Variants in CDK6 observed in about 807,000 individuals in gnomAD.
The protein encoded by CDK6 is cyclin-dependent kinase 6.
A neutral mutation model predicts 37.1 loss-of-function variants in CDK6; 6 were observed. That is an observed-to-expected ratio of 0.16 (90% CI 0.09 to 0.32). The LOEUF is 0.32. Among genes scored for constraint, CDK6 ranks in the 10% least tolerant of loss-of-function variants. The probability of loss-of-function intolerance (pLI) is 1.00; values close to 1 mark genes in which losing one functional copy is unlikely to be tolerated. For synonymous variants in CDK6, 160 were observed against 161.3 expected (o/e 0.99, Z 0.06); for missense variants, 224 against 418.9 (o/e 0.53, Z 4.06).
Position 92,622,965 on chromosome 7 carries a change from A to C in CDK6, c.698+71T>G, listed in dbSNP as rs1040637350. The stretch of plus-strand genomic sequence containing the variant: ...GACAAGAGATAAACACATGATATGC[A>C]TGTCAGAGGAAAGTCACTGTAAATG... On this transcript the variant is annotated intron_variant, in intron 6 of 7. Transcript: ENST00000424848. 8 of 883,784 alleles carry C rather than the reference A, an allele frequency of 9.1e-6. No homozygotes were observed. In the Admixed American group the frequency reaches 1.5e-4, roughly 16 times the overall value. 54.7% of individuals were successfully genotyped at this position (883,784 alleles called of 1,614,324 possible).
intron 6 of CDK6, 57 bp downstream of exon 6, chr7:92,622,979 T>G (rs757099616): frequency 9.5e-7 from 1 of 1,053,734 alleles, no homozygotes; most frequent in Non-Finnish European, 1.4e-6. Context: ...CAGAGGAAAG[T>G]CACTGTAAAT....
At chr7:92,824,976 C>A (rs959730407) in intron 2 of CDK6, among the ~76,000 whole-genome samples, 1 of 152,076 alleles carries the variant, frequency 6.6e-6, no homozygotes, top group African/African-American at 2.4e-5. Context: ...AGCCCACAAG[C>A]AGGAACATTT....
intron 2 of CDK6, among the ~76,000 whole-genome samples, chr7:92,783,635 A>T (rs1800052234): frequency 6.6e-6 from 1 of 152,176 alleles, no homozygotes. Context: ...ATATCTTCTG[A>T]ATCTGTTAAC....
At chr7:92,767,183 T>A (rs1799603465) in intron 3 of CDK6, among the ~76,000 whole-genome samples, 3 of 152,256 alleles carry the variant, frequency 2.0e-5, no homozygotes, top group Admixed American at 2.0e-4. Context: ...TTTGTTAGGA[T>A]ACATACACAT....
Position 92,715,736 on chromosome 7 carries a change from A to T in CDK6, c.537+9890T>A, listed in dbSNP as rs931403376. Among the ~76,000 whole-genome samples the T allele has an allele frequency of 1.1e-4, 17 of 148,606 alleles. No homozygotes were observed. The East Asian group carries it at 2.0e-3, about 18-fold the overall frequency. Reference sequence around the variant, plus strand: ...GTAATTGTATAAAAGTCTGAGCTCAACTTTTGGAGAGACCTACACAGATAA... The same window carrying T: ...GTAATTGTATAAAAGTCTGAGCTCATCTTTTGGAGAGACCTACACAGATAA... On this transcript the variant is annotated intron_variant, in intron 4 of 7. Transcript: ENST00000424848.
At chr7:92,754,013 G>A (rs956987942) in intron 3 of CDK6, among the ~76,000 whole-genome samples, 7 of 152,112 alleles carry the variant, frequency 4.6e-5, no homozygotes, top group Admixed American at 4.6e-4. Flanking sequence ...ACTAGATAAT[G>A]TCATAGGATG....
At chr7:92,808,111 G>C (rs575187785) in intron 2 of CDK6, among the ~76,000 whole-genome samples, 5 of 152,092 alleles carry the variant, frequency 3.3e-5, no homozygotes, top group Admixed American at 6.6e-5. Context: ...AAAAAAACTA[G>C]ACACCTCATA....
rs575145775 is a variant in CDK6 at position 92,702,726 on chromosome 7, G to A, written c.537+22900C>T. Among the ~76,000 whole-genome samples the A allele has an allele frequency of 2.6e-5, 4 of 152,242 alleles. No homozygotes were observed. The South Asian group carries it at 6.2e-4, about 24-fold the overall frequency. ...TTGGTGCCAGAGACCATAGGACATG[G>A]TCATATTGTGAAATGACCTCTGAAT... On this transcript the variant is annotated intron_variant, in intron 4 of 7. Transcript: ENST00000424848.
At position 92,612,111 on chromosome 7, in the gene CDK6, CTT is replaced by C. The variant is rs1795575600; in HGVS notation, c.*3027_*3028del. 4.3e-6 allele frequency: 1 copy of C among 232,810 alleles called. No individual in the cohort carries two copies. The highest frequency in any genetic ancestry group is 8.5e-6 in the Non-Finnish European group (1 of 117,814). 14.4% of individuals were successfully genotyped at this position (232,810 alleles called of 1,614,324 possible). A position where few individuals can be genotyped will look rare whatever the true frequency, so the allele number is the denominator to read the frequency against. On this transcript the variant is annotated 3_prime_UTR_variant, in exon 8 of 8. Coordinates refer to ENST00000424848, the MANE Select transcript of CDK6 (RefSeq NM_001145306.2). ...TAAATGGACAAGTTTCTCTTTTTCT[CTT>C]TTTATATGTAGGTTGTTTTGACTCC...
rs980993773 is a variant in CDK6, at chr7:92,607,894, A to G, written c.*7246T>C. The G allele has an allele frequency of 3.4e-5, 8 of 233,320 alleles. No homozygotes were observed. In the Admixed American group the frequency reaches 4.5e-4, roughly 13 times the overall value. The allele number at this position is 233,320 out of a possible 1,614,324, so 14.5% of individuals were successfully genotyped here. ...ACACAGGATCAGAATGAAAAGATAT[A>G]TCATGCACTGTGAGGTTTAAGAAAT... is the stretch of plus-strand genomic sequence containing the variant. On this transcript the variant is annotated 3_prime_UTR_variant, in exon 8 of 8. Coordinates refer to ENST00000424848, the MANE Select transcript of CDK6 (RefSeq NM_001145306.2).
At position 92,833,951 on chromosome 7, in the gene CDK6, G is replaced by A. The variant is rs565743962; in HGVS notation, c.-367-261C>T. 3.5e-4 allele frequency: 140 copies of A among 398,782 alleles called. No individual in the cohort carries two copies. The highest frequency in any genetic ancestry group is 2.7e-3 in the African/African-American group (130 of 48,750). The allele number at this position is 398,782 out of a possible 1,614,324, so 24.7% of individuals were successfully genotyped here. A position where few individuals can be genotyped will look rare whatever the true frequency, so the allele number is the denominator to read the frequency against. Reference sequence around the variant, plus strand: ...CCCTCGGGGATGAGCGAGCGGCGCGGGACGCAGTGGAACGGGAGGGGGCGT... The same window carrying A: ...CCCTCGGGGATGAGCGAGCGGCGCGAGACGCAGTGGAACGGGAGGGGGCGT... On this transcript the variant is annotated intron_variant, in intron 1 of 7. Transcript: ENST00000424848. This position sits in a 1 kb window ranked among gnomAD's most constrained non-coding sequence, Gnocchi z 6.1.
At chr7:92,676,822 T>C (rs1267689757) in intron 4 of CDK6, among the ~76,000 whole-genome samples, 1 of 151,988 alleles carries the variant, frequency 6.6e-6, no homozygotes, top group African/African-American at 2.4e-5. Context: ...AATTTACAAC[T>C]CTGGTGGGCG....
intron 2 of CDK6, among the ~76,000 whole-genome samples, chr7:92,791,619 G>C (rs1378035238): frequency 6.6e-6 from 1 of 152,104 alleles, no homozygotes; most frequent in Non-Finnish European, 1.5e-5. Context: ...TCCAGCCCTA[G>C]AGGAATGTAT....
intron 5 of CDK6, among the ~76,000 whole-genome samples, chr7:92,626,190 T>C (rs965030162): frequency 3.3e-5 from 5 of 152,100 alleles, no homozygotes; most frequent in African/African-American, 9.6e-5. Context: ...GCGGCTGTAA[T>C]TGGTGCTGGG....
rs531952406 is a variant in CDK6 at position 92,671,859 on chromosome 7, T to TA, written c.538-325dup. On this transcript the variant is annotated intron_variant, in intron 4 of 7. Transcript: ENST00000424848. ...TTTTCTCCCCCCCTTTAAGGGCCTT[T>TA]AAAAAATAATACATGGAAAACAGGT... Among the ~76,000 whole-genome samples the TA allele has an allele frequency of 1.5e-4, 22 of 151,710 alleles. No individual in the cohort carries two copies. In the South Asian group the frequency reaches 1.7e-3, roughly 12 times the overall value.
chr7:92,620,092 T>G (rs1480070296), intron 6 of CDK6, among the ~76,000 whole-genome samples: 4 of 152,174 alleles, frequency 2.6e-5, no homozygotes, highest in African/African-American at 9.6e-5. Flanking sequence ...ATTATATTAA[T>G]AACTCCTAGA....
chr7:92,632,967 T>C (rs1796088247), intron 5 of CDK6, among the ~76,000 whole-genome samples: 1 of 138,488 alleles, frequency 7.2e-6, no homozygotes, highest in African/African-American at 2.7e-5. Flanking sequence ...CCAAACAAGC[T>C]AAGATGGCAC....
intron 3 of CDK6, among the ~76,000 whole-genome samples, chr7:92,749,165 C>T (rs1362847969): frequency 1.4e-5 from 2 of 146,468 alleles, no homozygotes; most frequent in African/African-American, 5.1e-5. Flanking sequence ...CACCACTGCA[C>T]TACAGCCTGG....
At chr7:92,622,427 T>C (rs773743474) in intron 6 of CDK6, among the ~76,000 whole-genome samples, 1 of 152,162 alleles carries the variant, frequency 6.6e-6, no homozygotes, top group Non-Finnish European at 1.5e-5. Flanking sequence ...GTAACAGTAA[T>C]AGATAACTTT....
Sources: gnomAD v4.1 joint callset for allele counts (sites outside exome capture counted in the v4.1 genomes callset) on GRCh38, gnomAD v4.1.1 for gene constraint, Gnocchi (gnomAD v3.1) non-coding constraint, MANE v1.5 for transcripts, NCBI Gene and HGNC (gene_info 2026-07-23, HGNC 2026-07-21) for gene names.